Variants in UGGT2 observed in about 807,000 individuals in gnomAD.
UGGT2 encodes UDP-glucose:glycoprotein glucosyltransferase 2.
A neutral mutation model predicts 192.1 loss-of-function variants in UGGT2; 180 were observed. The ratio of observed to expected loss-of-function variants is 0.94; its 90% CI spans 0.83 to 1.06. The LOEUF (loss-of-function observed/expected upper bound fraction) is 1.06. Among genes scored for constraint, UGGT2 ranks in the 50% least tolerant of loss-of-function variants. The pLI, the probability that UGGT2 is intolerant of heterozygous loss-of-function variation, is 0.00. For missense variants in UGGT2, 1,849 were observed against 1,795.7 expected, an observed-to-expected ratio of 1.03 and a Z score of -0.54; for synonymous variants, 580 against 591.0, an observed-to-expected ratio of 0.98 and a Z score of 0.27.
rs116724558 is a variant in UGGT2 at position 96,006,347 on chromosome 13, G to T, written c.660+6960C>A. On this transcript the variant is annotated intron_variant, in intron 5 of 38. Coordinates refer to ENST00000376747, the MANE Select transcript of UGGT2 (RefSeq NM_020121.4). ...TAGCCAAAGAAAGAACTGGCTGGCT[G>T]GGTGCAGTGGCTCATGCCTGTAATC... is the stretch of plus-strand genomic sequence containing the variant. Among the ~76,000 whole-genome samples, 797 of 152,274 alleles carry T rather than the reference G, an allele frequency of 5.2e-3. 11 individuals carry two copies. Among genetic ancestry groups the T allele is most frequent in the African/African-American group, 0.018 (763 of 41,566 alleles).
chr13:95,937,144 A>C, intron 16 of UGGT2, 56 bp from the exon 17 acceptor site: 2 of 1,532,604 alleles, frequency 1.3e-6, no homozygotes, highest in Non-Finnish European at 1.7e-6. Flanking sequence ...TTGAATAATA[A>C]ACATAAGAAA....
At chr13:95,900,143 G>A (rs1170954577) in intron 22 of UGGT2, among the ~76,000 whole-genome samples, 1 of 151,960 alleles carries the variant, frequency 6.6e-6, no homozygotes, top group Non-Finnish European at 1.5e-5. Flanking sequence ...TACAAAGACT[G>A]CAATCAGAAA....
At chr13:96,052,936 G>A (rs2053528647) in intron 1 of UGGT2, among the ~76,000 whole-genome samples, 1 of 152,356 alleles carries the variant, frequency 6.6e-6, no homozygotes, top group African/African-American at 2.4e-5. Context: ...CGTAGGTAAA[G>A]TAAGACTGAG....
chr13:95,949,030 C>G (rs1156417557), intron 13 of UGGT2, among the ~76,000 whole-genome samples: 1 of 152,204 alleles, frequency 6.6e-6, no homozygotes, highest in Non-Finnish European at 1.5e-5. Context: ...ACGTTTGCTT[C>G]CCCTTCTGCC....
intron 20 of UGGT2, among the ~76,000 whole-genome samples, chr13:95,905,933 C>A (rs1305016894): frequency 6.6e-6 from 1 of 152,132 alleles, no homozygotes; most frequent in African/African-American, 2.4e-5. Flanking sequence ...CCTTACTGTT[C>A]CATAAAGCCA....
rs568536915 is a variant in UGGT2 at position 95,904,416 on chromosome 13, G to A, written c.2296-1356C>T. On this transcript the variant is annotated intron_variant, in intron 20 of 38. Transcript: ENST00000376747. ...CCATTAACTCGTCATCTAGCATTAGGTATATCTCCTAATGCTATCCCTCCC... is the reference window on the plus strand; with the variant it reads ...CCATTAACTCGTCATCTAGCATTAGATATATCTCCTAATGCTATCCCTCCC... 5.3e-5 allele frequency among the ~76,000 whole-genome samples: 8 copies of A among 149,546 alleles called. No individual in the cohort carries two copies. The South Asian group carries it at 1.7e-3, about 32-fold the overall frequency.
At chr13:96,034,019 C>T (rs893515616) in intron 1 of UGGT2, among the ~76,000 whole-genome samples, 3 of 152,270 alleles carry the variant, frequency 2.0e-5, no homozygotes, top group African/African-American at 4.8e-5. Flanking sequence ...GCAGTGAGAA[C>T]GTACGGTGTT....
At chr13:96,037,619 G>GTT (rs2053043762) in intron 1 of UGGT2, among the ~76,000 whole-genome samples, 1 of 151,986 alleles carries the variant, frequency 6.6e-6, no homozygotes, top group Non-Finnish European at 1.5e-5. Flanking sequence ...AAAAATATCT[G>GTT]TGTGTGTGTG....
chr13:95,999,424 T>A, intron 5 of UGGT2, 117 bp from the exon 6 acceptor site: 1 of 903,260 alleles, frequency 1.1e-6, no homozygotes, highest in Non-Finnish European at 1.7e-6. Flanking sequence ...TGAAGGTTTT[T>A]AATCACTCTG....
At chr13:95,927,805 C>A (rs896719048) in intron 17 of UGGT2, among the ~76,000 whole-genome samples, 3 of 151,934 alleles carry the variant, frequency 2.0e-5, no homozygotes, top group Non-Finnish European at 2.9e-5. Flanking sequence ...AGGCAGAGGG[C>A]CCTGCCGCCT....
At position 95,970,169 on chromosome 13, in the gene UGGT2, T is replaced by A. The variant is rs779238022; in HGVS notation, c.1278A>T (p.Leu426Phe). ...NGEDMSKFLKLNSHIWEYTYV... is the reference protein window; with the variant it reads ...NGEDMSKFLKFNSHIWEYTYV... ...AAGTATATTCCCAAATGTGTGAATT[T>A]AATTTTAAAAATTTGCTCATATCTT... The change falls in exon 12 of 39, where the codon TTA becomes TTT. Residue 426 changes from leucine to phenylalanine, a missense_variant. Transcript: ENST00000376747. 1 of 1,611,738 alleles carries A rather than the reference T, an allele frequency of 6.2e-7. No homozygotes were observed. Among genetic ancestry groups the A allele is most frequent in the Non-Finnish European group, 8.5e-7 (1 of 1,178,020 alleles).
intron 9 of UGGT2, among the ~76,000 whole-genome samples, chr13:95,985,594 G>A (rs1219952504): frequency 6.6e-6 from 1 of 152,066 alleles, no homozygotes; most frequent in African/African-American, 2.4e-5. Flanking sequence ...CACCATTGTT[G>A]CCCATGCACT....
intron 32 of UGGT2, 108 bp from the exon 33 acceptor site, chr13:95,859,783 T>A: frequency 1.3e-6 from 1 of 795,956 alleles, no homozygotes; most frequent in Non-Finnish European, 1.9e-6. Context: ...TTCTTAAATT[T>A]TACTTTAAGT....
Position 95,959,225 on chromosome 13 carries a change from A to G in UGGT2, c.1336-9771T>C, listed in dbSNP as rs2050310460. Among the ~76,000 whole-genome samples the G allele has an allele frequency of 1.3e-5, 2 of 152,196 alleles. 1 individual carries two copies. Among genetic ancestry groups the G allele is most frequent in the South Asian group, 4.1e-4 (2 of 4,834 alleles). On this transcript the variant is annotated intron_variant, in intron 12 of 38. Coordinates refer to ENST00000376747, the MANE Select transcript of UGGT2 (RefSeq NM_020121.4). ...CACACATTTCCATGCACCTGAGGAC[A>G]AATTCCATTTGCTGCAAACTGTGTG...
At chr13:96,034,928 C>T (rs1051669413) in intron 1 of UGGT2, among the ~76,000 whole-genome samples, 1 of 152,186 alleles carries the variant, frequency 6.6e-6, no homozygotes, top group Non-Finnish European at 1.5e-5. Flanking sequence ...CCTGCCAGGC[C>T]GAGTGGACAA....
chr13:95,871,112 A>G (rs1331341836), intron 29 of UGGT2, among the ~76,000 whole-genome samples: 1 of 152,364 alleles, frequency 6.6e-6, no homozygotes, highest in South Asian at 2.1e-4. Context: ...AAGACATATA[A>G]AAACTGTGAT....
At chr13:95,905,548 T>C (rs2048259860) in intron 20 of UGGT2, among the ~76,000 whole-genome samples, 1 of 151,738 alleles carries the variant, frequency 6.6e-6, no homozygotes, top group Admixed American at 6.6e-5. Flanking sequence ...ATTTATTAAA[T>C]AGGGAATCCT....
At chr13:95,921,751 T>C (rs763653793) in intron 20 of UGGT2, among the ~76,000 whole-genome samples, 3 of 152,044 alleles carry the variant, frequency 2.0e-5, no homozygotes, top group South Asian at 4.2e-4. Flanking sequence ...CCAGTCAGAA[T>C]TGGTATTATT....
intron 20 of UGGT2, among the ~76,000 whole-genome samples, chr13:95,918,175 C>T (rs554003901): frequency 1.3e-5 from 2 of 152,152 alleles, no homozygotes; most frequent in South Asian, 4.2e-4. Flanking sequence ...TAAGTGAAAT[C>T]GTAACAGTCT....
Sources: gnomAD v4.1 joint callset for allele counts (sites outside exome capture counted in the v4.1 genomes callset) on GRCh38, gnomAD v4.1.1 for gene constraint, MANE v1.5 for transcripts, NCBI Gene and HGNC (gene_info 2026-07-23, HGNC 2026-07-21) for gene names.